The following AKNA variants were observed in gnomAD, a reference collection of about 807,000 sequenced individuals.
AKNA encodes the protein microtubule organization protein AKNA.
AKNA carries 67 observed loss-of-function variants against 138.8 expected under a neutral mutation model. The ratio of observed to expected loss-of-function variants is 0.48; its 90% CI spans 0.40 to 0.59. The LOEUF (loss-of-function observed/expected upper bound fraction) is 0.59. Among genes scored for constraint, AKNA ranks in the 20% least tolerant of loss-of-function variants. The pLI, the probability that AKNA is intolerant of heterozygous loss-of-function variation, is 0.00. For missense variants in AKNA, 1,813 were observed against 1,880.4 expected (o/e 0.96, Z 0.66); for synonymous variants, 737 against 754.4 (o/e 0.98, Z 0.38).
chr9:114,389,486 G>A (rs187859065), upstream of AKNA, among the ~76,000 whole-genome samples: 2 of 152,216 alleles, frequency 1.3e-5, no homozygotes, highest in Non-Finnish European at 2.9e-5. Flanking sequence ...ATCTCCTGCT[G>A]GCCCTGACCT....
chr9:114,330,875 C>T (rs1829840708), downstream of AKNA: 1 of 1,611,888 alleles, frequency 6.2e-7, no homozygotes, highest in Non-Finnish European at 8.5e-7. Context: ...GAGGGCCAGC[C>T]CTCAGGCAGG....
chr9:114,384,381 G>A (rs1478952417), intron 1 of AKNA, among the ~76,000 whole-genome samples: 1 of 152,058 alleles, frequency 6.6e-6, no homozygotes, highest in African/African-American at 2.4e-5. Context: ...GACCAGCTTG[G>A]GCAACGTGGC....
intron 2 of AKNA, chr9:114,377,782 C>T (rs769345433): frequency 2.7e-5 from 15 of 548,128 alleles, no homozygotes; most frequent in African/African-American, 3.8e-5. Context: ...TCTCAGCAGA[C>T]GGCAACACCA....
In AKNA at chr9:114,377,387, G is replaced by A. The variant is rs1833320142; in HGVS notation, c.420C>T (p.Ser140=). ...CAGCCTCATACCCCAACCTTGAGGAGCTCTCTCCAGCCTCCTCAACCTCCA... is the reference window on the plus strand; with the variant it reads ...CAGCCTCATACCCCAACCTTGAGGAACTCTCTCCAGCCTCCTCAACCTCCA... The part of the protein sequence containing the change: ...GSLEVEEAGE[S]SSRLGYEAGL... Residue 140 remains serine (S), a synonymous_variant, in exon 3 of 22, where the codon AGC becomes AGT. Transcript: ENST00000374088. The A allele has an allele frequency of 6.2e-7, 1 of 1,613,844 alleles. No individual in the cohort carries two copies. Among genetic ancestry groups the A allele is most frequent in the East Asian group, 2.2e-5 (1 of 44,870 alleles).
Position 114,345,964 on chromosome 9 carries a change from C to T in AKNA, c.3560G>A (p.Ser1187Asn), listed in dbSNP as rs1296006805. 2 of 1,613,926 alleles carry T rather than the reference C, an allele frequency of 1.2e-6. No individual in the cohort carries two copies. The highest frequency in any genetic ancestry group is 1.3e-5 in the African/African-American group (1 of 74,866). Residue 1187 changes from serine to asparagine, a missense_variant, in exon 18 of 22, where the codon AGC (serine) becomes AAC (asparagine). By Grantham distance (46) the Ser-to-Asn change is conservative. Transcript: ENST00000374088. Reference sequence around the variant, plus strand: ...CTGTGGACTGTCCTTGGTGGTCTTGCTCTTCTCAGAGAACAGTGGTAGGGA... The same window carrying T: ...CTGTGGACTGTCCTTGGTGGTCTTGTTCTTCTCAGAGAACAGTGGTAGGGA... ...LPSLPLFSEK[S>N]KTTKDSPQAA...
chr9:114,341,665 C>A lies in AKNA; in HGVS notation c.3935G>T (p.Ser1312Ile). The A allele has an allele frequency of 6.2e-7, 1 of 1,608,386 alleles. No homozygotes were observed. The highest frequency in any genetic ancestry group is 8.5e-7 in the Non-Finnish European group (1 of 1,177,960). ...ASSTPSPKQR[S>I]KQAGSSPRPP... ...GCGTGGCGACGACCCCGCCTGCTTG[C>A]TCCTCTGCTTGGGGCTGGGAGTTGA... is the stretch of plus-strand genomic sequence containing the variant. The change falls in exon 21 of 22, where the codon AGC becomes ATC. Residue 1312 changes from serine (S) to isoleucine (I), a missense_variant. Ser to Ile is a moderately radical substitution (Grantham distance 142). Coordinates refer to ENST00000374088, the MANE Select transcript of AKNA (RefSeq NM_001317950.2).
chr9:114,366,313 AC>A (rs1298490680), intron 6 of AKNA, among the ~76,000 whole-genome samples: 1 of 151,858 alleles, frequency 6.6e-6, no homozygotes, highest in African/African-American at 2.4e-5. Context: ...GAAATGAAGT[AC>A]TTGTATGTGC....
At chr9:114,347,333 C>T (rs960584615) in intron 16 of AKNA, among the ~76,000 whole-genome samples, 2 of 152,236 alleles carry the variant, frequency 1.3e-5, no homozygotes, top group African/African-American at 4.8e-5. Flanking sequence ...AATTCTCCTG[C>T]CTCAGCCTCC....
At chr9:114,396,398 T>A (rs995573691), upstream of AKNA, among the ~76,000 whole-genome samples, 2 of 152,152 alleles carry the variant, frequency 1.3e-5, no homozygotes, top group African/African-American at 4.8e-5. Flanking sequence ...GGTGGTAAAG[T>A]AGATGGGCGC....
chr9:114,379,235 A>G (rs1833461136), intron 2 of AKNA, among the ~76,000 whole-genome samples: 1 of 152,198 alleles, frequency 6.6e-6, no homozygotes, highest in Non-Finnish European at 1.5e-5. Flanking sequence ...GGCCACGGGC[A>G]AGCTGCTGAC....
At chr9:114,385,455 C>G (rs1198494743) in intron 1 of AKNA, among the ~76,000 whole-genome samples, 1 of 152,222 alleles carries the variant, frequency 6.6e-6, no homozygotes, top group African/African-American at 2.4e-5. Context: ...TGTTGCTTTT[C>G]TGATTCTGAA....
intron 2 of AKNA, 54 bp from the exon 3 acceptor site, chr9:114,377,586 G>C: frequency 6.7e-7 from 1 of 1,494,532 alleles, no homozygotes. Flanking sequence ...CACCCACCTT[G>C]TAACTTACCC....
intron 3 of AKNA, among the ~76,000 whole-genome samples, chr9:114,375,025 G>A (rs1833064369): frequency 6.6e-6 from 1 of 152,236 alleles, no homozygotes; most frequent in Non-Finnish European, 1.5e-5. Flanking sequence ...ATCAGAGGCT[G>A]TCAAAATCAC....
At chr9:114,365,370 A>G (rs919011467) in intron 6 of AKNA, among the ~76,000 whole-genome samples, 1 of 152,208 alleles carries the variant, frequency 6.6e-6, no homozygotes, top group African/African-American at 2.4e-5. Flanking sequence ...TGTGCATTGA[A>G]CATTTTTGCA....
chr9:114,370,647 G>T (rs1324908119), intron 4 of AKNA, among the ~76,000 whole-genome samples: 4 of 152,204 alleles, frequency 2.6e-5, no homozygotes, highest in African/African-American at 9.7e-5. Flanking sequence ...TCACTCCCTT[G>T]GGGGATTCTG....
intron 12 of AKNA, 116 bp from the exon 13 acceptor site, chr9:114,357,085 GC>G: frequency 1.2e-6 from 1 of 846,180 alleles, no homozygotes; most frequent in Non-Finnish European, 1.8e-6. Context: ...AGGGTTGCTG[GC>G]CCAGCTCCCA....
At chr9:114,381,662 T>TG (rs1554709121) in intron 1 of AKNA, among the ~76,000 whole-genome samples, 1 of 134,572 alleles carries the variant, frequency 7.4e-6, no homozygotes, top group Non-Finnish European at 1.6e-5. Flanking sequence ...AGGGTTTTTT[T>TG]TTTTTTTTTT....
At chr9:114,387,636 T>C (rs1436684858) in intron 1 of AKNA, among the ~76,000 whole-genome samples, 4 of 152,184 alleles carry the variant, frequency 2.6e-5, no homozygotes, top group Non-Finnish European at 4.4e-5. Context: ...GAATCAGAGC[T>C]AGGACTGGAA....
chr9:114,384,596 C>T (rs1482908593), intron 1 of AKNA, among the ~76,000 whole-genome samples: 1 of 152,174 alleles, frequency 6.6e-6, no homozygotes, highest in African/African-American at 2.4e-5. Context: ...TGATCCACTT[C>T]CACTTAATGA....
Sources: gnomAD v4.1 joint callset for allele counts (sites outside exome capture counted in the v4.1 genomes callset) on GRCh38, gnomAD v4.1.1 for gene constraint, MANE v1.5 for transcripts, NCBI Gene and HGNC (gene_info 2026-07-23, HGNC 2026-07-21) for gene names.